Variants in TMEM232 observed in about 807,000 individuals in gnomAD.
The protein encoded by TMEM232 is transmembrane protein 232.
In TMEM232, 80 loss-of-function variants were observed where a neutral mutation model predicts 78.8. The observed-to-expected ratio is 1.01, with a 90% CI of 0.85 to 1.22. The LOEUF (loss-of-function observed/expected upper bound fraction) is 1.22. Among genes scored for constraint, TMEM232 ranks in the 50% most tolerant of loss-of-function variants. The pLI, the probability that TMEM232 is intolerant of heterozygous loss-of-function variation, is 0.00. For missense variants in TMEM232, 881 were observed against 742.2 expected, an observed-to-expected ratio of 1.19 and a Z score of -2.17; for synonymous variants, 297 against 254.3, an observed-to-expected ratio of 1.17 and a Z score of -1.60.
At chr5:110,620,577 A>ATCTCTCTATCTCTCTCTCTCTCTC (rs1783510315) in intron 7 of TMEM232, among the ~76,000 whole-genome samples, 2 of 43,090 alleles carry the variant, frequency 4.6e-5, no homozygotes, top group African/African-American at 1.5e-4. Context: ...TGTCTCTCAT[A>ATCTCTCTATCTCTCTCTCTCTCTC]TCTCTCTCTC....
intron 2 of TMEM232, among the ~76,000 whole-genome samples, chr5:110,402,206 C>T (rs1161865415): frequency 6.6e-6 from 1 of 152,050 alleles, no homozygotes; most frequent in Non-Finnish European, 1.5e-5. Context: ...GTTCTAAACC[C>T]ATCTGGATTT....
chr5:110,485,158 A>G (rs1764326218), intron 12 of TMEM232, among the ~76,000 whole-genome samples: 1 of 152,204 alleles, frequency 6.6e-6, no homozygotes, highest in Admixed American at 6.6e-5. Flanking sequence ...TTTTCCAAAA[A>G]AGATACTTGC....
chr5:110,688,956 T>C (rs1793755229), intron 1 of TMEM232, among the ~76,000 whole-genome samples: 1 of 152,158 alleles, frequency 6.6e-6, no homozygotes, highest in African/African-American at 2.4e-5. Flanking sequence ...TATCTGGTTG[T>C]TCCCCTACCC....
At chr5:110,509,540 C>A (rs898390369) in intron 12 of TMEM232, among the ~76,000 whole-genome samples, 1 of 152,034 alleles carries the variant, frequency 6.6e-6, no homozygotes, top group East Asian at 1.9e-4. Context: ...TCTGCCTTCA[C>A]GATTTCTTGG....
chr5:110,622,992 T>TAATAAATAAATAAATA lies in TMEM232; in HGVS notation c.768+2259_768+2274dup, dbSNP rs146087253. ...ATGTACCCTAAAACTTAAAGTATAA[T>TAATAAATAAATAAATA]AATAAATAAATAAATAAATAAATAA... On this transcript the variant is annotated intron_variant, in intron 7 of 13. Transcript: ENST00000455884. Among the ~76,000 whole-genome samples, 1,469 of 148,992 alleles carry TAATAAATAAATAAATA rather than the reference T, an allele frequency of 9.9e-3. 14 individuals carry two copies. Among genetic ancestry groups the TAATAAATAAATAAATA allele is most frequent in the East Asian group, 0.021 (108 of 5,090 alleles).
intron 1 of TMEM232, among the ~76,000 whole-genome samples, chr5:110,718,674 G>A (rs1384751435): frequency 2.0e-5 from 3 of 151,858 alleles, no homozygotes; most frequent in Non-Finnish European, 1.5e-5. Context: ...TTATCTCCTT[G>A]AATATTTTTT....
chr5:110,650,256 C>T (rs1161865616), intron 2 of TMEM232, among the ~76,000 whole-genome samples: 1 of 151,832 alleles, frequency 6.6e-6, no homozygotes, highest in Non-Finnish European at 1.5e-5. Flanking sequence ...TCCCTCTCTC[C>T]AATAGTATAC....
chr5:110,409,958 C>T (rs1580573126), intron 2 of TMEM232, among the ~76,000 whole-genome samples: 1 of 152,214 alleles, frequency 6.6e-6, no homozygotes, highest in East Asian at 1.9e-4. Flanking sequence ...CTGTACCATG[C>T]TTCAAGTCCC....
At chr5:110,548,087 G>C (rs1012559255) in intron 11 of TMEM232, among the ~76,000 whole-genome samples, 5 of 149,732 alleles carry the variant, frequency 3.3e-5, no homozygotes, top group Admixed American at 3.3e-4. Context: ...GGCTACAAAA[G>C]TGTTTTCCTC....
intron 11 of TMEM232, among the ~76,000 whole-genome samples, chr5:110,554,842 T>G (rs1774887424): frequency 6.6e-6 from 1 of 152,154 alleles, no homozygotes; most frequent in South Asian, 2.1e-4. Context: ...CATAACTTAT[T>G]ATTGGTCTCT....
intron 12 of TMEM232, among the ~76,000 whole-genome samples, chr5:110,482,803 T>G (rs1477422221): frequency 6.6e-6 from 1 of 151,698 alleles, no homozygotes; most frequent in Non-Finnish European, 1.5e-5. Flanking sequence ...ATATTTAAAG[T>G]GCTAAAACAA....
rs147715056 is a variant in TMEM232, at chr5:110,585,903, C to A, written c.1277-17278G>T. 2.1e-4 allele frequency among the ~76,000 whole-genome samples: 32 copies of A among 152,244 alleles called. No homozygotes were observed. In the East Asian group the frequency reaches 2.9e-3, roughly 14 times the overall value. The stretch of plus-strand genomic sequence containing the variant: ...AAAGGCAAAAGCATACTGCTGCAAC[C>A]TAGGGATTTAACAAACTCATCCCAA... On this transcript the variant is annotated intron_variant, in intron 10 of 13. Transcript: ENST00000455884.
intron 11 of TMEM232, among the ~76,000 whole-genome samples, chr5:110,538,796 T>C (rs1259404282): frequency 6.6e-6 from 1 of 151,530 alleles, no homozygotes. Flanking sequence ...CTGGATGTCA[T>C]GGGTACCCAA....
chr5:110,398,953 G>A (rs1327365597), intron 2 of TMEM232, among the ~76,000 whole-genome samples: 1 of 152,038 alleles, frequency 6.6e-6, no homozygotes, highest in Admixed American at 6.6e-5. Context: ...CATCTTTGGG[G>A]CCCATTACCC....
intron 12 of TMEM232, among the ~76,000 whole-genome samples, chr5:110,479,932 C>A (rs140080210): frequency 4.0e-5 from 6 of 151,670 alleles, no homozygotes; most frequent in African/African-American, 1.2e-4. Flanking sequence ...TTTTAACATA[C>A]GACTTTTTAT....
At chr5:110,569,247 T>C (rs1457272431) in intron 10 of TMEM232, among the ~76,000 whole-genome samples, 4 of 151,916 alleles carry the variant, frequency 2.6e-5, no homozygotes, top group Non-Finnish European at 4.4e-5. Flanking sequence ...CAATTAGCAA[T>C]TTATATACAT....
intron 2 of TMEM232, among the ~76,000 whole-genome samples, chr5:110,403,096 G>T (rs1755664384): frequency 6.6e-6 from 1 of 152,070 alleles, no homozygotes; most frequent in South Asian, 2.1e-4. Context: ...TGCCTTTCAT[G>T]GATATAGGGC....
intron 8 of TMEM232, among the ~76,000 whole-genome samples, chr5:110,613,464 G>C (rs1016658894): frequency 6.6e-6 from 1 of 152,048 alleles, no homozygotes; most frequent in African/African-American, 2.4e-5. Context: ...CGGAACATTT[G>C]TTCAACATTA....
chr5:110,455,195 A>T lies in TMEM232; in HGVS notation c.1704-30279T>A, dbSNP rs542260032. Reference sequence around the variant, plus strand: ...AAGAAAAAAAATGCCAAGCACAATGAATATAACAATTAATTCTTCCACACT... The same window carrying T: ...AAGAAAAAAAATGCCAAGCACAATGTATATAACAATTAATTCTTCCACACT... On this transcript the variant is annotated intron_variant, in intron 12 of 13. Coordinates refer to ENST00000455884, the MANE Select transcript of TMEM232 (RefSeq NM_001039763.4). Among the ~76,000 whole-genome samples the T allele has an allele frequency of 3.9e-5, 6 of 152,300 alleles. No individual in the cohort carries two copies. The East Asian group carries it at 1.2e-3, about 29-fold the overall frequency.
Sources: allele counts gnomAD v4.1 joint callset (sites outside exome capture counted in the v4.1 genomes callset), GRCh38; gene constraint gnomAD v4.1.1; transcripts MANE v1.5; gene names NCBI Gene and HGNC (gene_info 2026-07-23, HGNC 2026-07-21).